SNAI2: variants seen among roughly 807,000 people sequenced by gnomAD.
SNAI2 encodes the protein snail family transcriptional repressor 2.
In SNAI2, 2 loss-of-function variants were observed where a neutral mutation model predicts 22.4. That is an observed-to-expected ratio of 0.09 (90% CI 0.04 to 0.28). SNAI2 has a LOEUF of 0.28. Ranked by LOEUF, SNAI2 falls within the 10% of genes least tolerant of loss-of-function variation. The pLI, the probability that SNAI2 is intolerant of heterozygous loss-of-function variation, is 1.00. For synonymous variants in SNAI2, 134 were observed against 123.0 expected (o/e 1.09, Z -0.59); for missense variants, 239 against 320.8 (o/e 0.75, Z 1.95).
In SNAI2 at chr8:48,921,426, A is replaced by G; in HGVS notation, c.-161T>C. 1 of 660,850 alleles carries G rather than the reference A, an allele frequency of 1.5e-6. No individual in the cohort carries two copies. Among genetic ancestry groups the G allele is most frequent in the South Asian group, 1.7e-5 (1 of 59,554 alleles). The allele number at this position is 660,850 out of a possible 1,614,324, so 40.9% of individuals were successfully genotyped here. On this transcript the variant is annotated 5_prime_UTR_variant, in exon 1 of 3. Transcript: ENST00000020945. ...TCTGAAGTCACCCGGCTCCTTTACG[A>G]ACTGAGCCCGTTTTGGCTGGGAGGG...
chr8:48,920,056 A>G lies in SNAI2; in HGVS notation c.465T>C (p.Ser155=). 2.5e-6 allele frequency: 4 copies of G among 1,614,240 alleles called. No homozygotes were observed. Among genetic ancestry groups the G allele is most frequent in the Non-Finnish European group, 3.4e-6 (4 of 1,180,030 alleles). The part of the protein sequence containing the change: ...KHKQLHCDAQ[S]RKSFSCKYCD... ...AGTATTTACAGCTGAAAGATTTTCT[A>G]GACTGGGCATCGCAGTGCAGCTGCT... The change falls in exon 2 of 3, where the codon TCT becomes TCC. Residue 155 remains serine, a synonymous_variant. Transcript: ENST00000020945.
Position 48,918,874 on chromosome 8 carries a change from G to C in SNAI2, c.740C>G (p.Ser247Cys), listed in dbSNP as rs376627182. ...DVKKYQCKNCSKTFSRMSLLH... is the reference protein window; with the variant it reads ...DVKKYQCKNCCKTFSRMSLLH... ...GAGAGACATTCTGGAGAAGGTTTTG[G>C]AGCAGTTTTTGCACTGGTATTTCTT... Residue 247 changes from serine to cysteine, a missense_variant, in exon 3 of 3, where the codon TCC (serine) becomes TGC (cysteine). By Grantham distance (112) the Ser-to-Cys change is moderately radical. Transcript: ENST00000020945. The C allele has an allele frequency of 6.2e-7, 1 of 1,614,122 alleles. No individual in the cohort carries two copies. Among genetic ancestry groups the C allele is most frequent in the Non-Finnish European group, 8.5e-7 (1 of 1,180,014 alleles).
chr8:48,921,385 C>G lies in SNAI2; in HGVS notation c.-120G>C. The G allele has an allele frequency of 1.3e-6, 1 of 777,738 alleles. No individual in the cohort carries two copies. Among genetic ancestry groups the G allele is most frequent in the South Asian group, 1.4e-5 (1 of 70,820 alleles). The allele number at this position is 777,738 out of a possible 1,614,324, so 48.2% of individuals were successfully genotyped here. ...AGGGGCCGTGCTCAGGTGCGGCAGA[C>G]GGACGGGCCGGCGCCTCTGAAGTCA... On this transcript the variant is annotated 5_prime_UTR_variant, in exon 1 of 3. Coordinates refer to ENST00000020945, the MANE Select transcript of SNAI2 (RefSeq NM_003068.5).
Position 48,920,046 on chromosome 8 carries a change from A to C in SNAI2, c.475T>G (p.Phe159Val). The C allele has an allele frequency of 6.2e-7, 1 of 1,614,216 alleles. No individual in the cohort carries two copies. Among genetic ancestry groups the C allele is most frequent in the Non-Finnish European group, 8.5e-7 (1 of 1,180,028 alleles). ...LHCDAQSRKS[F>V]SCKYCDKEYV... ...TCCTTGTCACAGTATTTACAGCTGA[A>C]AGATTTTCTAGACTGGGCATCGCAG... The change falls in exon 2 of 3, where the codon TTC becomes GTC. Residue 159 changes from phenylalanine (F) to valine (V), a missense_variant. Transcript: ENST00000020945.
rs541224696 is a variant in SNAI2 at position 48,920,254 on chromosome 8, A to G, written c.267T>C (p.Pro89=). Reference sequence around the variant, plus strand: ...CCTTGGAGGAGGTGTCAGATGGAGGAGGGGGACTCACTCGCCCCAAAGATG... The same window carrying G: ...CCTTGGAGGAGGTGTCAGATGGAGGGGGGGGACTCACTCGCCCCAAAGATG... ...YSSSLGRVSP[P]PPSDTSSKDH... The change falls in exon 2 of 3, where the codon CCT becomes CCC. Residue 89 remains proline (P), a synonymous_variant. Transcript: ENST00000020945. 1.2e-6 allele frequency: 2 copies of G among 1,613,956 alleles called. No homozygotes were observed. The highest frequency in any genetic ancestry group is 2.7e-5 in the African/African-American group (2 of 74,984).
rs2117647114 is a variant in SNAI2 at position 48,918,623 on chromosome 8, C to T, written c.*184G>A. The T allele has an allele frequency of 1.6e-6, 1 of 621,210 alleles. No homozygotes were observed. The highest frequency in any genetic ancestry group is 2.7e-5 in the Admixed American group (1 of 37,206). 38.5% of individuals were successfully genotyped at this position (621,210 alleles called of 1,614,324 possible). A position where few individuals can be genotyped will look rare whatever the true frequency, so the allele number is the denominator to read the frequency against. On this transcript the variant is annotated 3_prime_UTR_variant, in exon 3 of 3. Coordinates refer to ENST00000020945, the MANE Select transcript of SNAI2 (RefSeq NM_003068.5). Reference sequence around the variant, plus strand: ...ACATGGAAAGGATTATCTTTAAACACATGAATTCCATGCTCTTGCAGCTCT... The same window carrying T: ...ACATGGAAAGGATTATCTTTAAACATATGAATTCCATGCTCTTGCAGCTCT...
chr8:48,920,421 A>G lies in SNAI2; in HGVS notation c.100T>C (p.Tyr34His). The G allele has an allele frequency of 3.1e-6, 5 of 1,614,132 alleles. No individual in the cohort carries two copies. The highest frequency in any genetic ancestry group is 2.5e-6 in the Non-Finnish European group (3 of 1,179,966). Residue 34 changes from tyrosine (Y) to histidine (H), a missense_variant, in exon 2 of 3, where the codon TAT (tyrosine) becomes CAT (histidine). Tyr to His is a moderately conservative substitution (Grantham distance 83, BLOSUM62 2). Coordinates refer to ENST00000020945, the MANE Select transcript of SNAI2 (RefSeq NM_003068.5). ...ATGACAGGCATGGAGTAACTCTCAT[A>G]GAGATACGGGGAAATAATCACTGGG... is the stretch of plus-strand genomic sequence containing the variant. ...THTVIISPYLYESYSMPVIPQ... is the reference protein window; with the variant it reads ...THTVIISPYLHESYSMPVIPQ...
At chr8:48,919,368 G>A (rs1806125855) in intron 2 of SNAI2, among the ~76,000 whole-genome samples, 2 of 152,156 alleles carry the variant, frequency 1.3e-5, no homozygotes, top group African/African-American at 4.8e-5. Flanking sequence ...TAAGTGCCAT[G>A]ATACCCTGCA....
In SNAI2 at chr8:48,921,424, C is replaced by G. The variant is rs139228799; in HGVS notation, c.-159G>C. On this transcript the variant is annotated 5_prime_UTR_variant, in exon 1 of 3. Transcript: ENST00000020945. ...CCTCTGAAGTCACCCGGCTCCTTTA[C>G]GAACTGAGCCCGTTTTGGCTGGGAG... 1 of 662,466 alleles carries G rather than the reference C, an allele frequency of 1.5e-6. No homozygotes were observed. The highest frequency in any genetic ancestry group is 2.7e-6 in the Non-Finnish European group (1 of 373,432). The allele number at this position is 662,466 out of a possible 1,614,324, so 41.0% of individuals were successfully genotyped here.
chr8:48,921,390 G>C lies in SNAI2; in HGVS notation c.-125C>G, dbSNP rs1806160908. On this transcript the variant is annotated 5_prime_UTR_variant, in exon 1 of 3. Coordinates refer to ENST00000020945, the MANE Select transcript of SNAI2 (RefSeq NM_003068.5). ...CCGTGCTCAGGTGCGGCAGACGGACGGGCCGGCGCCTCTGAAGTCACCCGG... is the reference window on the plus strand; with the variant it reads ...CCGTGCTCAGGTGCGGCAGACGGACCGGCCGGCGCCTCTGAAGTCACCCGG... The C allele has an allele frequency of 3.9e-6, 3 of 766,276 alleles. No homozygotes were observed. The highest frequency in any genetic ancestry group is 1.4e-5 in the South Asian group (1 of 69,826). 47.5% of individuals were successfully genotyped at this position (766,276 alleles called of 1,614,324 possible).
chr8:48,920,943 G>A (rs76744630), intron 1 of SNAI2, among the ~76,000 whole-genome samples: 122 of 152,254 alleles, frequency 8.0e-4, no homozygotes, highest in African/African-American at 2.7e-3. Context: ...TGTATACACA[G>A]GCTTTAGCAA....
intron 2 of SNAI2, 67 bp downstream of exon 2, chr8:48,919,829 T>G: frequency 6.6e-7 from 1 of 1,519,856 alleles, no homozygotes; most frequent in South Asian, 1.1e-5. Flanking sequence ...TTCATGCAAA[T>G]CCAACAGCCA....
In SNAI2 at chr8:48,920,095, C is replaced by T; in HGVS notation, c.426G>A (p.Gly142=). 6.2e-7 allele frequency: 1 copy of T among 1,614,186 alleles called. No homozygotes were observed. The highest frequency in any genetic ancestry group is 8.5e-7 in the Non-Finnish European group (1 of 1,180,034). The change falls in exon 2 of 3, where the codon GGG becomes GGA. Residue 142 remains glycine (G), a synonymous_variant. Coordinates refer to ENST00000020945, the MANE Select transcript of SNAI2 (RefSeq NM_003068.5). ...LCNKTYSTFS[G]LAKHKQLHCD... is the part of the protein sequence containing the mutation. ...AGTGCAGCTGCTTATGTTTGGCCAGCCCAGAAAAAGTTGAATAGGTCTTAT... is the reference window on the plus strand; with the variant it reads ...AGTGCAGCTGCTTATGTTTGGCCAGTCCAGAAAAAGTTGAATAGGTCTTAT...
Position 48,921,291 on chromosome 8 carries a change from C to T in SNAI2, c.-26G>A. The T allele has an allele frequency of 6.3e-7, 1 of 1,598,562 alleles. No individual in the cohort carries two copies. Among genetic ancestry groups the T allele is most frequent in the Non-Finnish European group, 8.6e-7 (1 of 1,169,480 alleles). Reference sequence around the variant, plus strand: ...CTTGCCAGCGGGTCTGGCGGGCGCCCGGCGCGGATAACGGTCCGGCGGGAG... The same window carrying T: ...CTTGCCAGCGGGTCTGGCGGGCGCCTGGCGCGGATAACGGTCCGGCGGGAG... On this transcript the variant is annotated 5_prime_UTR_variant, in exon 1 of 3. Transcript: ENST00000020945.
intron 2 of SNAI2, among the ~76,000 whole-genome samples, chr8:48,919,191 C>T (rs928813253): frequency 2.6e-5 from 4 of 152,158 alleles, no homozygotes; most frequent in South Asian, 2.1e-4. Context: ...AAAAATCATA[C>T]ACGAATATTA....
Position 48,919,944 on chromosome 8 carries a change from C to T in SNAI2, c.577G>A (p.Ala193Thr). The T allele has an allele frequency of 1.2e-6, 2 of 1,614,164 alleles. No individual in the cohort carries two copies. Among genetic ancestry groups the T allele is most frequent in the Non-Finnish European group, 1.7e-6 (2 of 1,180,046 alleles). ...LPCVCKICGK[A>T]FSRPWLLQGH... The stretch of plus-strand genomic sequence containing the variant: ...TGAAGCAACCAGGGTCTGGAAAACG[C>T]CTTGCCGCAGATCTTGCAAACACAA... Residue 193 changes from alanine to threonine, a missense_variant, in exon 2 of 3, where the codon GCG becomes ACG. Physicochemically the swap from Ala to Thr is moderately conservative, Grantham distance 58. This residue lies in a region of SNAI2 where 31 missense variants were observed against 99.0 expected (regional missense o/e 0.31). Transcript: ENST00000020945.
rs1448134383 is a variant in SNAI2, at chr8:48,918,184, A to AAAAAC, written c.*618_*622dup. 1.3e-5 allele frequency: 2 copies of AAAAAC among 152,552 alleles called. No individual in the cohort carries two copies. The highest frequency in any genetic ancestry group is 2.4e-5 in the African/African-American group (1 of 41,466). 9.4% of individuals were successfully genotyped at this position (152,552 alleles called of 1,614,324 possible). On this transcript the variant is annotated 3_prime_UTR_variant, in exon 3 of 3. Transcript: ENST00000020945. ...CCCAAGGCACATACTGTTAATTGGC[A>AAAAAC]AAAACAAAACAAAACAAAAATACTT...
chr8:48,918,665 G>GTGTGTGTGTGTGCA lies in SNAI2; in HGVS notation c.*128_*141dup. On this transcript the variant is annotated 3_prime_UTR_variant, in exon 3 of 3. Coordinates refer to ENST00000020945, the MANE Select transcript of SNAI2 (RefSeq NM_003068.5). ...TGCAGCTCTCTCTCTGTGGGTGTGT[G>GTGTGTGTGTGTGCA]TGTGTGTGTGTGCATATGTGTGTGT... The GTGTGTGTGTGTGCA allele has an allele frequency of 1.4e-6, 1 of 727,830 alleles. No homozygotes were observed. Among genetic ancestry groups the GTGTGTGTGTGTGCA allele is most frequent in the Admixed American group, 2.0e-5 (1 of 50,030 alleles). The allele number at this position is 727,830 out of a possible 1,614,324, so 45.1% of individuals were successfully genotyped here. A position where few individuals can be genotyped will look rare whatever the true frequency, so the allele number is the denominator to read the frequency against.
rs781778604 is a variant in SNAI2, at chr8:48,920,153, A to G, written c.368T>C (p.Ile123Thr). ...LQSKLSDPHA[I>T]EAEKFQCNLC... is the part of the protein sequence containing the mutation. ...ATTGCACTGAAACTTTTCAGCTTCAATGGCATGGGGGTCTGAAAGCTTGGA... is the reference window on the plus strand; with the variant it reads ...ATTGCACTGAAACTTTTCAGCTTCAGTGGCATGGGGGTCTGAAAGCTTGGA... Residue 123 changes from isoleucine to threonine, a missense_variant, in exon 2 of 3, where the codon ATT (isoleucine) becomes ACT (threonine). Transcript: ENST00000020945. 39 of 1,614,124 alleles carry G rather than the reference A, an allele frequency of 2.4e-5. No homozygotes were observed. Among genetic ancestry groups the G allele is most frequent in the Admixed American group, 2.3e-4 (14 of 60,008 alleles).
Sources: gnomAD v4.1 joint callset for allele counts (sites outside exome capture counted in the v4.1 genomes callset) on GRCh38, gnomAD v4.1.1 for gene constraint, gnomAD v4.1.1 regional missense constraint, MANE v1.5 for transcripts, NCBI Gene and HGNC (gene_info 2026-07-23, HGNC 2026-07-21) for gene names.